Variants in CHCHD6 observed in about 807,000 individuals in gnomAD.
CHCHD6 encodes coiled-coil-helix-coiled-coil-helix domain containing 6.
CHCHD6 carries 28 observed loss-of-function variants against 32.3 expected under a neutral mutation model. The observed-to-expected ratio is 0.87, with a 90% confidence interval of 0.64 to 1.19. The LOEUF (loss-of-function observed/expected upper bound fraction) is 1.19, where lower values mean the gene tolerates loss of function less well. CHCHD6 is among the 50% of genes most tolerant of loss of function. The pLI, the probability that CHCHD6 is intolerant of heterozygous loss-of-function variation, is 0.00. For synonymous variants in CHCHD6, 122 were observed against 117.5 expected (o/e 1.04, Z -0.25); for missense variants, 333 against 307.0 (o/e 1.08, Z -0.63).
intron 6 of CHCHD6, among the ~76,000 whole-genome samples, chr3:126,922,410 G>T (rs1026400861): frequency 4.6e-5 from 7 of 152,220 alleles, no homozygotes; most frequent in Non-Finnish European, 1.0e-4. Flanking sequence ...AGATAAATGT[G>T]ATAATCCACA....
intron 6 of CHCHD6, among the ~76,000 whole-genome samples, chr3:126,931,982 G>A (rs1421725295): frequency 6.6e-6 from 1 of 152,224 alleles, no homozygotes; most frequent in Admixed American, 6.5e-5. Flanking sequence ...GGAAGCGGCA[G>A]AGCCAGGATT....
At chr3:126,758,176 A>G (rs1335131523) in intron 4 of CHCHD6, among the ~76,000 whole-genome samples, 8 of 152,230 alleles carry the variant, frequency 5.3e-5, no homozygotes, top group African/African-American at 1.9e-4. Flanking sequence ...GGCCCCAGCT[A>G]AATAGAGAAG....
At chr3:126,928,656 A>G (rs1327728581) in intron 6 of CHCHD6, among the ~76,000 whole-genome samples, 2 of 152,158 alleles carry the variant, frequency 1.3e-5, no homozygotes, top group African/African-American at 4.8e-5. Flanking sequence ...CCAGGATTCT[A>G]ACACTAGTCC....
chr3:126,722,927 T>C (rs772830099), intron 1 of CHCHD6, among the ~76,000 whole-genome samples: 1 of 152,238 alleles, frequency 6.6e-6, no homozygotes, highest in Non-Finnish European at 1.5e-5. Flanking sequence ...AAGAGTTTTA[T>C]AGTTTTAGCT....
intron 4 of CHCHD6, chr3:126,766,701 G>A: frequency 4.5e-6 from 5 of 1,120,906 alleles, no homozygotes; most frequent in East Asian, 2.4e-5. Context: ...CCAGGCTCTG[G>A]ATTATCCAGC....
chr3:126,905,463 G>A (rs756384594), intron 5 of CHCHD6, among the ~76,000 whole-genome samples: 3 of 152,198 alleles, frequency 2.0e-5, no homozygotes, highest in Non-Finnish European at 4.4e-5. Context: ...GCAAGGCATT[G>A]CAGGAGAAGT....
chr3:126,737,537 G>C (rs1936103624), intron 4 of CHCHD6, among the ~76,000 whole-genome samples: 1 of 151,942 alleles, frequency 6.6e-6, no homozygotes, highest in Non-Finnish European at 1.5e-5. Context: ...TGTTTATTAG[G>C]AGAATTAAAC....
chr3:126,825,788 T>C (rs1318188435), intron 4 of CHCHD6, among the ~76,000 whole-genome samples: 1 of 152,214 alleles, frequency 6.6e-6, no homozygotes, highest in Admixed American at 6.5e-5. Context: ...TAGTTAAAGG[T>C]GTATCTCTTG....
At chr3:126,797,364 A>G (rs1449535887) in intron 4 of CHCHD6, among the ~76,000 whole-genome samples, 2 of 152,198 alleles carry the variant, frequency 1.3e-5, no homozygotes, top group Non-Finnish European at 2.9e-5. Flanking sequence ...GACTTTCCAT[A>G]TTTGACATAG....
intron 4 of CHCHD6, among the ~76,000 whole-genome samples, chr3:126,745,500 C>T (rs1007816090): frequency 6.6e-6 from 1 of 152,154 alleles, no homozygotes; most frequent in Non-Finnish European, 1.5e-5. Flanking sequence ...GCCAAATTCC[C>T]CCAAAATGCA....
intron 6 of CHCHD6, among the ~76,000 whole-genome samples, chr3:126,932,153 A>G (rs2078415492): frequency 1.3e-5 from 2 of 152,128 alleles, no homozygotes; most frequent in Admixed American, 1.3e-4. Flanking sequence ...GAGGGGCTTC[A>G]GAGCCTTCAC....
intron 4 of CHCHD6, among the ~76,000 whole-genome samples, chr3:126,849,959 C>A (rs1337879812): frequency 6.6e-6 from 1 of 152,244 alleles, no homozygotes; most frequent in African/African-American, 2.4e-5. Context: ...TGCGGGGCAA[C>A]TGTGTGGAGT....
At chr3:126,791,849 G>A (rs1219182859) in intron 4 of CHCHD6, among the ~76,000 whole-genome samples, 5 of 152,214 alleles carry the variant, frequency 3.3e-5, no homozygotes, top group East Asian at 3.9e-4. Flanking sequence ...GACCTCAGGC[G>A]ATCCACCTGC....
chr3:126,918,367 G>A (rs1166109967), intron 6 of CHCHD6, among the ~76,000 whole-genome samples: 1 of 152,204 alleles, frequency 6.6e-6, no homozygotes, highest in Admixed American at 6.5e-5. Context: ...GAATACACAT[G>A]TATAGAGTGC....
At chr3:126,801,443 G>C (rs1048668593) in intron 4 of CHCHD6, among the ~76,000 whole-genome samples, 4 of 152,216 alleles carry the variant, frequency 2.6e-5, no homozygotes, top group Non-Finnish European at 5.9e-5. Context: ...CTACGCCCAC[G>C]GAGTCTTGCT....
At chr3:126,771,111 G>A (rs774512300) in intron 4 of CHCHD6, among the ~76,000 whole-genome samples, 1 of 151,886 alleles carries the variant, frequency 6.6e-6, no homozygotes, top group Non-Finnish European at 1.5e-5. Flanking sequence ...TAGTTTCTTT[G>A]CATAGAGTTG....
chr3:126,742,532 G>A (rs565639658), intron 4 of CHCHD6, among the ~76,000 whole-genome samples: 4 of 152,318 alleles, frequency 2.6e-5, no homozygotes, highest in South Asian at 4.1e-4. Context: ...CAGTGTGGCA[G>A]TATTGAGAGG....
At chr3:126,826,773 A>G (rs1385895772) in intron 4 of CHCHD6, among the ~76,000 whole-genome samples, 1 of 152,138 alleles carries the variant, frequency 6.6e-6, no homozygotes, top group Non-Finnish European at 1.5e-5. Flanking sequence ...GACACTAGGA[A>G]TCTACTACTA....
rs899198456 is a variant in CHCHD6, at chr3:126,957,796, A to T, written c.702+245A>T. 2.9e-5 allele frequency: 17 copies of T among 582,980 alleles called. No individual in the cohort carries two copies. The East Asian group carries it at 5.0e-4, about 17-fold the overall frequency. The allele number at this position is 582,980 out of a possible 1,614,324, so 36.1% of individuals were successfully genotyped here. A position where few individuals can be genotyped will look rare whatever the true frequency, so the allele number is the denominator to read the frequency against. ...AGATGATCCCTGTTGCGTTTGCCCT[A>T]TTAGGCTGGGTGGGAGCAGGCTGGG... is the stretch of plus-strand genomic sequence containing the variant. On this transcript the variant is annotated intron_variant, in intron 7 of 7. Coordinates refer to ENST00000290913, the MANE Select transcript of CHCHD6 (RefSeq NM_032343.3).
Sources: allele counts gnomAD v4.1 joint callset (sites outside exome capture counted in the v4.1 genomes callset), GRCh38; gene constraint gnomAD v4.1.1; transcripts MANE v1.5; gene names NCBI Gene and HGNC (gene_info 2026-07-23, HGNC 2026-07-21).